Variants in TUBE1 observed in about 807,000 individuals in gnomAD.
TUBE1 encodes the protein tubulin epsilon 1, also known as tubulin epsilon chain.
A neutral mutation model predicts 53.5 loss-of-function variants in TUBE1; 34 were observed. The observed-to-expected ratio is 0.64, with a 90% confidence interval of 0.48 to 0.85. TUBE1 has a LOEUF of 0.85. Among genes scored for constraint, TUBE1 ranks in the 40% least tolerant of loss-of-function variants. TUBE1 has a pLI of 0.00. For synonymous variants in TUBE1, 177 were observed against 198.4 expected (o/e 0.89, Z 0.91); for missense variants, 532 against 570.5 (o/e 0.93, Z 0.69).
Position 112,074,750 on chromosome 6 carries a change from G to A in TUBE1, c.913C>T (p.Pro305Ser). Reference sequence around the variant, plus strand: ...TTAACATCTGTCAGTGTATACAGAGGTGTTAGGCTTGACACGAGATAATGA... The same window carrying A: ...TTAACATCTGTCAGTGTATACAGAGATGTTAGGCTTGACACGAGATAATGA... ...QLHYLVSSLT[P>S]LYTLTDVNIP... The change falls in exon 9 of 12, where the codon CCT becomes TCT. Residue 305 changes from proline (P) to serine (S), a missense_variant. Physicochemically the swap from Pro to Ser is moderately conservative, Grantham distance 74. Transcript: ENST00000368662. 6.2e-7 allele frequency: 1 copy of A among 1,606,864 alleles called. No homozygotes were observed. Among genetic ancestry groups the A allele is most frequent in the South Asian group, 1.1e-5 (1 of 89,702 alleles).
At position 112,084,510 on chromosome 6, in the gene TUBE1, G is replaced by A. The variant is rs1583598880; in HGVS notation, c.153-264C>T. ...CAATGAGATAAAGGGGAAGTATTCT[G>A]GGAAGCTTTTAAAGAAGGACCAGAT... On this transcript the variant is annotated intron_variant, in intron 3 of 11. Transcript: ENST00000368662. Among the ~76,000 whole-genome samples the A allele has an allele frequency of 2.0e-5, 3 of 152,294 alleles. No individual in the cohort carries two copies. In the East Asian group the frequency reaches 5.8e-4, roughly 29 times the overall value.
chr6:112,087,474 G>A lies in TUBE1; in HGVS notation c.-40C>T, dbSNP rs202220859. 223 of 1,547,206 alleles carry A rather than the reference G, an allele frequency of 1.4e-4. 2 individuals are homozygous for A. The East Asian group carries it at 5.4e-3, about 38-fold the overall frequency. On this transcript the variant is annotated 5_prime_UTR_variant, in exon 1 of 12. Transcript: ENST00000368662. ...GGCTCCGGGAGCTTGCTAGCCCGCGGCCGCTTCTGCATTCCCCCAGCAACG... is the reference window on the plus strand; with the variant it reads ...GGCTCCGGGAGCTTGCTAGCCCGCGACCGCTTCTGCATTCCCCCAGCAACG...
In TUBE1 at chr6:112,071,323, A is replaced by G. The variant is rs375506632; in HGVS notation, c.*89T>C. On this transcript the variant is annotated 3_prime_UTR_variant, in exon 12 of 12. Coordinates refer to ENST00000368662, the MANE Select transcript of TUBE1 (RefSeq NM_016262.5). ...AAATATTTCCCGATAATATGAAAAA[A>G]CTGGAGTTTCCAAATTACAAAAATG... 14 of 1,248,478 alleles carry G rather than the reference A, an allele frequency of 1.1e-5. No homozygotes were observed. In the African/African-American group the frequency reaches 1.5e-4, roughly 13 times the overall value. 77.3% of individuals were successfully genotyped at this position (1,248,478 alleles called of 1,614,324 possible).
chr6:112,076,179 G>C, intron 7 of TUBE1, 67 bp from the exon 8 acceptor site: 2 of 1,486,654 alleles, frequency 1.3e-6, no homozygotes, highest in Non-Finnish European at 1.8e-6. Context: ...ATTCTACTAG[G>C]AAAGAGAAAG....
In TUBE1 at chr6:112,076,459, A is replaced by G. The variant is rs1554316102; in HGVS notation, c.499T>C (p.Phe167Leu). 6.2e-7 allele frequency: 1 copy of G among 1,613,030 alleles called. No individual in the cohort carries two copies. Among genetic ancestry groups the G allele is most frequent in the African/African-American group, 1.3e-5 (1 of 74,864 alleles). ...TFLLKVLEDE[F>L]PEVYRFVTSI... ...GTCACAAATCTGTATACTTCTGGGA[A>G]TTCGTCTTCAAGCACCTTTAAAAGA... Residue 167 changes from phenylalanine (F) to leucine (L), a missense_variant, in exon 7 of 12, where the codon TTC becomes CTC. Phe to Leu is a conservative substitution (Grantham distance 22, BLOSUM62 0). Coordinates refer to ENST00000368662, the MANE Select transcript of TUBE1 (RefSeq NM_016262.5).
Position 112,076,340 on chromosome 6 carries a change from T to A in TUBE1, c.618A>T (p.Val206=). The change falls in exon 7 of 12, where the codon GTA becomes GTT. Residue 206 remains valine (V), a synonymous_variant. Transcript: ENST00000368662. Reference sequence around the variant, plus strand: ...TTCTTACTTGATTGTCAATGGGCAATACACAGTCTGCATGCTCATTAAGTT... The same window carrying A: ...TTCTTACTTGATTGTCAATGGGCAAAACACAGTCTGCATGCTCATTAAGTT... ...MKELNEHADC[V]LPIDNQSLFD... is the part of the protein sequence containing the mutation. 1 of 1,590,344 alleles carries A rather than the reference T, an allele frequency of 6.3e-7. No individual in the cohort carries two copies.
At chr6:112,082,102 A>G (rs782263476) in intron 4 of TUBE1, among the ~76,000 whole-genome samples, 5 of 152,168 alleles carry the variant, frequency 3.3e-5, no homozygotes, top group African/African-American at 1.2e-4. Context: ...AGTGAGTTTA[A>G]TCATGTGTGT....
chr6:112,079,823 A>C, intron 5 of TUBE1, 69 bp from the exon 6 acceptor site: 1 of 1,447,792 alleles, frequency 6.9e-7, no homozygotes, highest in South Asian at 1.3e-5. Flanking sequence ...TTCTAATCTA[A>C]ATAAAAGGAT....
intron 11 of TUBE1, 78 bp downstream of exon 11, chr6:112,071,824 G>A: frequency 7.3e-7 from 1 of 1,364,030 alleles, no homozygotes; most frequent in Non-Finnish European, 9.9e-7. Flanking sequence ...CCCCTGATTT[G>A]TAATAGTGTA....
intron 4 of TUBE1, among the ~76,000 whole-genome samples, 154 bp from the exon 5 acceptor site, chr6:112,081,361 A>G (rs1372605893): frequency 6.7e-6 from 1 of 150,202 alleles, no homozygotes; most frequent in Non-Finnish European, 1.5e-5. Context: ...AAAAATTAAA[A>G]AAGAATTTCA....
Position 112,076,524 on chromosome 6 carries a change from G to T in TUBE1, c.449-15C>A. Reference sequence around the variant, plus strand: ...AGATCCTGTTCCTGAGGATTAAAGTGTTTTTAAAAATTAGCATAAATGATT... The same window carrying T: ...AGATCCTGTTCCTGAGGATTAAAGTTTTTTTAAAAATTAGCATAAATGATT... On this transcript the variant is annotated splice_polypyrimidine_tract_variant and intron_variant, in intron 6 of 11. Coordinates refer to ENST00000368662, the MANE Select transcript of TUBE1 (RefSeq NM_016262.5). 1 of 1,558,422 alleles carries T rather than the reference G, an allele frequency of 6.4e-7. No individual in the cohort carries two copies.
chr6:112,072,911 A>T lies in TUBE1; in HGVS notation c.954-13T>A. On this transcript the variant is annotated splice_polypyrimidine_tract_variant and intron_variant, in intron 9 of 11. Transcript: ENST00000368662. ...CATCTGATCCAATCTGCAACAATGA[A>T]ATTGTCATTGTTTATACAAAATATT... 1 of 1,610,994 alleles carries T rather than the reference A, an allele frequency of 6.2e-7. No individual in the cohort carries two copies. Among genetic ancestry groups the T allele is most frequent in the Non-Finnish European group, 8.5e-7 (1 of 1,178,384 alleles).
chr6:112,087,384 G>T (rs781834144), intron 1 of TUBE1, 26 bp downstream of exon 1: 15 of 1,551,482 alleles, frequency 9.7e-6, no homozygotes, highest in Non-Finnish European at 1.3e-5. Flanking sequence ...CGGCGACCAG[G>T]TCTCTACCCG....
Position 112,075,950 on chromosome 6 carries a change from G to A in TUBE1, c.799C>T (p.Leu267Phe). The change falls in exon 8 of 12, where the codon CTC (leucine) becomes TTC (phenylalanine). Residue 267 changes from leucine to phenylalanine, a missense_variant. Physicochemically the swap from Leu to Phe is conservative, Grantham distance 22. Coordinates refer to ENST00000368662, the MANE Select transcript of TUBE1 (RefSeq NM_016262.5). ...AMNNIVANLLLNLTSSARFEG... is the reference protein window; with the variant it reads ...AMNNIVANLLFNLTSSARFEG... Reference sequence around the variant, plus strand: ...GGATAGAATTACCTCGTTAGGTTGAGGAGCAAATTTGCCACAATGTTATTC... The same window carrying A: ...GGATAGAATTACCTCGTTAGGTTGAAGAGCAAATTTGCCACAATGTTATTC... The A allele has an allele frequency of 1.2e-6, 2 of 1,610,404 alleles. No homozygotes were observed. The highest frequency in any genetic ancestry group is 2.7e-5 in the African/African-American group (2 of 74,954).
At position 112,076,360 on chromosome 6, in the gene TUBE1, T is replaced by G; in HGVS notation, c.598A>C (p.Asn200His). The G allele has an allele frequency of 1.2e-6, 2 of 1,604,706 alleles. No individual in the cohort carries two copies. Among genetic ancestry groups the G allele is most frequent in the Non-Finnish European group, 1.7e-6 (2 of 1,176,630 alleles). ...YNSILAMKELNEHADCVLPID... is the reference protein window; with the variant it reads ...YNSILAMKELHEHADCVLPID... Reference sequence around the variant, plus strand: ...GGCAATACACAGTCTGCATGCTCATTAAGTTCCTTCATTGCCAAGATGCTA... The same window carrying G: ...GGCAATACACAGTCTGCATGCTCATGAAGTTCCTTCATTGCCAAGATGCTA... The change falls in exon 7 of 12, where the codon AAT (asparagine) becomes CAT (histidine). Residue 200 changes from asparagine (N) to histidine (H), a missense_variant. Asn to His is a moderately conservative substitution (Grantham distance 68). Coordinates refer to ENST00000368662, the MANE Select transcript of TUBE1 (RefSeq NM_016262.5).
intron 3 of TUBE1, 27 bp downstream of exon 3, chr6:112,086,529 C>G: frequency 6.3e-7 from 1 of 1,585,026 alleles, no homozygotes; most frequent in Non-Finnish European, 8.6e-7. Flanking sequence ...AAGTATCACA[C>G]TGTGACAGAC....
At chr6:112,072,945 C>T (rs1554315592) in intron 9 of TUBE1, 47 bp from the exon 10 acceptor site, 1 of 1,580,306 alleles carries the variant, frequency 6.3e-7, no homozygotes, top group Non-Finnish European at 8.6e-7. Context: ...TTACTTCTTT[C>T]TATGTATAAC....
Position 112,072,811 on chromosome 6 carries a change from T to G in TUBE1, c.1041A>C (p.Ala347=), listed in dbSNP as rs868909598. 1.2e-6 allele frequency: 2 copies of G among 1,613,676 alleles called. No homozygotes were observed. Among genetic ancestry groups the G allele is most frequent in the Middle Eastern group, 1.7e-4 (1 of 5,988 alleles). ...TTTGTACATTTCCTCTAACCATGAG[T>G]GCACAGGCGAGGTAAAGACTGTGTT... ...DPKHSLYLAC[A]LMVRGNVQIS... The change falls in exon 10 of 12, where the codon GCA becomes GCC. Residue 347 remains alanine (A), a synonymous_variant. Coordinates refer to ENST00000368662, the MANE Select transcript of TUBE1 (RefSeq NM_016262.5).
In TUBE1 at chr6:112,076,268, T is replaced by C; in HGVS notation, c.636+54A>G. The C allele has an allele frequency of 2.7e-6, 4 of 1,495,272 alleles. No individual in the cohort carries two copies. In the South Asian group the frequency reaches 5.4e-5, roughly 20 times the overall value. The allele number at this position is 1,495,272 out of a possible 1,614,324, so 92.6% of individuals were successfully genotyped here. The stretch of plus-strand genomic sequence containing the variant: ...GTTTCATATAAACACACATACATAA[T>C]ACAGGACTGAATATATATAACATTT... On this transcript the variant is annotated intron_variant, in intron 7 of 11. Transcript: ENST00000368662.
Sources: gnomAD v4.1 joint callset for allele counts (sites outside exome capture counted in the v4.1 genomes callset) on GRCh38, gnomAD v4.1.1 for gene constraint, MANE v1.5 for transcripts, NCBI Gene and HGNC (gene_info 2026-07-23, HGNC 2026-07-21) for gene names.